C17orf113: variants seen among roughly 807,000 people sequenced by gnomAD.
C17orf113 encodes uncharacterized protein C17orf113.
A neutral mutation model predicts 11.6 loss-of-function variants in C17orf113; 5 were observed. The ratio of observed to expected loss-of-function variants is 0.43; its 90% CI spans 0.23 to 0.91. The LOEUF (loss-of-function observed/expected upper bound fraction) is 0.91. Among genes scored for constraint, C17orf113 ranks in the 40% least tolerant of loss-of-function variants. The pLI is 0.26. For synonymous variants in C17orf113, 327 were observed against 390.6 expected (o/e 0.84, Z 1.92); for missense variants, 714 against 841.3 (o/e 0.85, Z 1.87).
rs969749341 is a variant in C17orf113 at position 42,039,495 on chromosome 17, C to T, written c.*210G>A. The T allele has an allele frequency of 1.5e-5, 6 of 407,652 alleles. No individual in the cohort carries two copies. In the Admixed American group the frequency reaches 1.8e-4, roughly 12 times the overall value. 25.3% of individuals were successfully genotyped at this position (407,652 alleles called of 1,614,324 possible). On this transcript the variant is annotated 3_prime_UTR_variant, in exon 3 of 3. Transcript: ENST00000587304. ...CCAGATCCTAGCATCTCTGCCCACC[C>T]GCCCAGGCCCCTCTTGAGCCAGTCC...
In C17orf113 at chr17:42,040,799, G is replaced by T; in HGVS notation, c.934C>A (p.Gln312Lys). The T allele has an allele frequency of 1.6e-6, 2 of 1,232,304 alleles. No individual in the cohort carries two copies. The highest frequency in any genetic ancestry group is 8.2e-5 in the South Asian group (2 of 24,318). The allele number at this position is 1,232,304 out of a possible 1,614,324, so 76.3% of individuals were successfully genotyped here. The change falls in exon 3 of 3, where the codon CAA becomes AAA. Residue 312 changes from glutamine (Q) to lysine (K), a missense_variant. Gln to Lys is a moderately conservative substitution (Grantham distance 53, BLOSUM62 1). Coordinates refer to ENST00000587304, the MANE Select transcript of C17orf113 (RefSeq NM_001358661.2). ...AGGGCATCCAATATGCTCTCATATT[G>T]ACCCAAGTAGGCCGGGGGCTCAGGA... The part of the protein sequence containing the change: ...TDPEPPAYLG[Q>K]YESILDALFR...
intron 1 of C17orf113, among the ~76,000 whole-genome samples, chr17:42,048,632 T>C (rs1259731040): frequency 1.3e-5 from 2 of 152,198 alleles, no homozygotes; most frequent in Non-Finnish European, 2.9e-5. Context: ...CTAGGTGCCC[T>C]GTCCAGAAAC....
At chr17:42,041,334 G>A (rs1393152743) in intron 2 of C17orf113, 145 bp from the exon 3 acceptor site, 6 of 658,996 alleles carry the variant, frequency 9.1e-6, no homozygotes, top group Non-Finnish European at 1.3e-5. Flanking sequence ...GCCACTTACT[G>A]GCTGTGCTAC....
chr17:42,040,462 T>G lies in C17orf113; in HGVS notation c.1271A>C (p.Asp424Ala). The G allele has an allele frequency of 8.1e-7, 1 of 1,232,182 alleles. No individual in the cohort carries two copies. Among genetic ancestry groups the G allele is most frequent in the Non-Finnish European group, 1.0e-6 (1 of 988,006 alleles). The allele number at this position is 1,232,182 out of a possible 1,614,324, so 76.3% of individuals were successfully genotyped here. Residue 424 changes from aspartate (D) to alanine (A), a missense_variant, in exon 3 of 3, where the codon GAC (aspartate) becomes GCC (alanine). By Grantham distance (126) the Asp-to-Ala change is moderately radical. This residue lies in a region of C17orf113 where 516 missense variants were observed against 626.6 expected (regional missense o/e 0.82). Transcript: ENST00000587304. ...CACCAGAGGCTGCAGCAAGGCCAAG[T>G]CCGGCTCTTCTGCCTGCAGGACAAG... Reference protein sequence around the residue: ...LSLVLQAEEPDLALLQPLVMA... With the variant: ...LSLVLQAEEPALALLQPLVMA...
intron 1 of C17orf113, among the ~76,000 whole-genome samples, chr17:42,046,973 C>T (rs2053174878): frequency 6.6e-6 from 1 of 151,994 alleles, no homozygotes; most frequent in South Asian, 2.1e-4. Context: ...AGCGATTCTC[C>T]CGCCTCAGCC....
rs1326252018 is a variant in C17orf113 at position 42,040,637 on chromosome 17, C to T, written c.1096G>A (p.Glu366Lys). Residue 366 changes from glutamate to lysine, a missense_variant, in exon 3 of 3, where the codon GAG (glutamate) becomes AAG (lysine). By Grantham distance (56) the Glu-to-Lys change is moderately conservative. Coordinates refer to ENST00000587304, the MANE Select transcript of C17orf113 (RefSeq NM_001358661.2). ...SLLPVVEAVA[E>K]AWPGLVPTLE... is the part of the protein sequence containing the mutation. ...GTGGGCACCAGGCCAGGCCAGGCCT[C>T]GGCCACTGCTTCCACTACAGGCAGC... 16 of 1,232,156 alleles carry T rather than the reference C, an allele frequency of 1.3e-5. No individual in the cohort carries two copies. Among genetic ancestry groups the T allele is most frequent in the Admixed American group, 8.4e-5 (2 of 23,704 alleles). The allele number at this position is 1,232,156 out of a possible 1,614,324, so 76.3% of individuals were successfully genotyped here.
intron 1 of C17orf113, among the ~76,000 whole-genome samples, chr17:42,049,411 C>T (rs2053238615): frequency 6.6e-6 from 1 of 152,252 alleles, no homozygotes; most frequent in Non-Finnish European, 1.5e-5. Context: ...AGGTAACTAA[C>T]TTCTTCATGT....
chr17:42,038,835 T>G lies in C17orf113; in HGVS notation c.*870A>C, dbSNP rs889924336. 5.3e-5 allele frequency: 8 copies of G among 152,200 alleles called. No individual in the cohort carries two copies. The highest frequency in any genetic ancestry group is 1.9e-4 in the African/African-American group (8 of 41,430). 9.4% of individuals were successfully genotyped at this position (152,200 alleles called of 1,614,324 possible). A position where few individuals can be genotyped will look rare whatever the true frequency, so the allele number is the denominator to read the frequency against. ...GGGAACCACTATCTCTCTGGAACCATTGGCCCTTGAACCACCAGCTTGTGT... is the reference window on the plus strand; with the variant it reads ...GGGAACCACTATCTCTCTGGAACCAGTGGCCCTTGAACCACCAGCTTGTGT... On this transcript the variant is annotated 3_prime_UTR_variant, in exon 3 of 3. Coordinates refer to ENST00000587304, the MANE Select transcript of C17orf113 (RefSeq NM_001358661.2).
At chr17:42,049,140 C>A (rs1286541574) in intron 1 of C17orf113, among the ~76,000 whole-genome samples, 1 of 152,082 alleles carries the variant, frequency 6.6e-6, no homozygotes, top group East Asian at 1.9e-4. Context: ...TCCCATCCCC[C>A]GGGTCCTTTG....
At chr17:42,041,446 G>A (rs782661095) in intron 2 of C17orf113, among the ~76,000 whole-genome samples, 1 of 152,076 alleles carries the variant, frequency 6.6e-6, no homozygotes, top group East Asian at 1.9e-4. Context: ...CACCACACCC[G>A]GTCTAGTTTT....
intron 1 of C17orf113, among the ~76,000 whole-genome samples, chr17:42,048,354 C>T (rs2053212205): frequency 1.5e-5 from 2 of 134,426 alleles, no homozygotes; most frequent in East Asian, 4.3e-4. Context: ...GCCTGGGCAA[C>T]ATAGGGAGAA....
intron 1 of C17orf113, among the ~76,000 whole-genome samples, chr17:42,049,043 G>A (rs1240152079): frequency 2.0e-5 from 3 of 151,990 alleles, no homozygotes; most frequent in African/African-American, 7.3e-5. Flanking sequence ...AATGCCCAGG[G>A]CTACTGACCT....
chr17:42,040,211 C>G lies in C17orf113; in HGVS notation c.1522G>C (p.Gly508Arg), dbSNP rs1277643823. 1 of 1,231,584 alleles carries G rather than the reference C, an allele frequency of 8.1e-7. No homozygotes were observed. The highest frequency in any genetic ancestry group is 3.1e-4 in the Middle Eastern group (1 of 3,208). The allele number at this position is 1,231,584 out of a possible 1,614,324, so 76.3% of individuals were successfully genotyped here. A position where few individuals can be genotyped will look rare whatever the true frequency, so the allele number is the denominator to read the frequency against. ...MRKGLQDSYP[G>R]PSLDAVAAFA... ...GCGGCCACGGCGTCCAGCGAAGGCC[C>G]GGGGTAGGAGTCCTGTAGGCCCTTC... The change falls in exon 3 of 3, where the codon GGG becomes CGG. Residue 508 changes from glycine (G) to arginine (R), a missense_variant. Physicochemically the swap from Gly to Arg is moderately radical, Grantham distance 125 (BLOSUM62 -2). This residue lies in a region of C17orf113 where 516 missense variants were observed against 626.6 expected (regional missense o/e 0.82). Transcript: ENST00000587304.
intron 2 of C17orf113, 58 bp downstream of exon 2, chr17:42,042,776 G>T: frequency 8.3e-7 from 1 of 1,202,894 alleles, no homozygotes; most frequent in Non-Finnish European, 1.0e-6. Context: ...GCTGTTCCCA[G>T]GTGGCTCAGT....
intron 2 of C17orf113, among the ~76,000 whole-genome samples, chr17:42,042,158 G>C (rs1272841187): frequency 3.9e-5 from 6 of 152,064 alleles, no homozygotes; most frequent in African/African-American, 1.2e-4. Flanking sequence ...GATTGCTTGA[G>C]GCCAGGAGCC....
rs1293159278 is a variant in C17orf113, at chr17:42,040,757, C to T, written c.976G>A (p.Gly326Ser). ...ILDALFRLHG[G>S]PSSHLVPELR... ...TCAGGGACCAAGTGGGAACTAGGGC[C>T]ACCATGGAGGCGGAATAGGGCATCC... Residue 326 changes from glycine (G) to serine (S), a missense_variant, in exon 3 of 3, where the codon GGC (glycine) becomes AGC (serine). Gly to Ser is a moderately conservative substitution (Grantham distance 56). Transcript: ENST00000587304. The T allele has an allele frequency of 3.6e-5, 44 of 1,232,238 alleles. No individual in the cohort carries two copies. Among genetic ancestry groups the T allele is most frequent in the Non-Finnish European group, 4.5e-5 (44 of 988,122 alleles). 76.3% of individuals were successfully genotyped at this position (1,232,238 alleles called of 1,614,324 possible). A position where few individuals can be genotyped will look rare whatever the true frequency, so the allele number is the denominator to read the frequency against.
At chr17:42,045,294 G>T (rs62076908) in intron 1 of C17orf113, among the ~76,000 whole-genome samples, 1 of 151,988 alleles carries the variant, frequency 6.6e-6, no homozygotes, top group East Asian at 1.9e-4. Flanking sequence ...CTTGTGATCC[G>T]CCCGTCTCGG....
rs1233518697 is a variant in C17orf113 at position 42,047,659 on chromosome 17, C to CT, written c.-188+2897dup. On this transcript the variant is annotated intron_variant, in intron 1 of 2. Coordinates refer to ENST00000587304, the MANE Select transcript of C17orf113 (RefSeq NM_001358661.2). ...AACTTCTTGGCCCTCTTCCTTGGGA[C>CT]TTTTTTTTTTTCGAGACAGAGTCTT... 2.0e-3 allele frequency among the ~76,000 whole-genome samples: 288 copies of CT among 146,234 alleles called. 1 individual carries two copies. Among genetic ancestry groups the CT allele is most frequent in the African/African-American group, 6.7e-3 (268 of 39,960 alleles).
Position 42,043,350 on chromosome 17 carries a change from C to G in C17orf113, c.27G>C (p.Ala9=), listed in dbSNP as rs527783426. Residue 9 remains alanine, a synonymous_variant, in exon 2 of 3, where the codon GCG becomes GCC. Transcript: ENST00000587304. ...TCTTGTTGGAGTTGGAGGCCTCTCC[C>G]GCTGGTTTCTTCCCTGGGGGCACCA... is the stretch of plus-strand genomic sequence containing the variant. MVPPGKKP[A]GEASNSNKKC... 6.6e-5 allele frequency: 81 copies of G among 1,232,104 alleles called. No individual in the cohort carries two copies. Among genetic ancestry groups the G allele is most frequent in the African/African-American group, 9.3e-5 (6 of 64,418 alleles). 76.3% of individuals were successfully genotyped at this position (1,232,104 alleles called of 1,614,324 possible).
Sources: allele counts gnomAD v4.1 joint callset (sites outside exome capture counted in the v4.1 genomes callset), GRCh38; gene constraint gnomAD v4.1.1; regional missense constraint gnomAD v4.1.1; transcripts MANE v1.5; gene names NCBI Gene and HGNC (gene_info 2026-07-23, HGNC 2026-07-21).